The following FOXP2 variants were observed in gnomAD, a reference collection of about 807,000 sequenced individuals.
FOXP2 encodes the protein forkhead box protein P2.
Under a neutral mutation model 115.8 loss-of-function variants are expected in FOXP2, and 12 were observed. The ratio of observed to expected loss-of-function variants is 0.10; its 90% CI spans 0.07 to 0.17. The LOEUF is 0.17. Among genes scored for constraint, FOXP2 ranks in the 10% least tolerant of loss-of-function variants. The pLI, the probability that FOXP2 is intolerant of heterozygous loss-of-function variation, is 1.00. For synonymous variants in FOXP2, 328 were observed against 297.7 expected (o/e 1.10, Z -1.05); for missense variants, 629 against 843.5 (o/e 0.75, Z 3.15).
intron 1 of FOXP2, among the ~76,000 whole-genome samples, chr7:114,263,557 G>A (rs892924342): frequency 5.9e-5 from 9 of 151,384 alleles, no homozygotes; most frequent in African/African-American, 1.9e-4. Context: ...GGGCTCAAAT[G>A]CTCCTTCCAC....
At chr7:114,256,513 C>G (rs1430788176) in intron 1 of FOXP2, among the ~76,000 whole-genome samples, 1 of 152,168 alleles carries the variant, frequency 6.6e-6, no homozygotes, top group Non-Finnish European at 1.5e-5. Context: ...TGAGAAGTGT[C>G]TGTTCATGTC....
At chr7:114,622,979 A>C (rs1804335089) in intron 3 of FOXP2, among the ~76,000 whole-genome samples, 1 of 152,088 alleles carries the variant, frequency 6.6e-6, no homozygotes. Context: ...TGGTGTTTTC[A>C]TAAATGACTA....
At chr7:114,471,795 CAA>C (rs767129922) in intron 2 of FOXP2, among the ~76,000 whole-genome samples, 12 of 121,424 alleles carry the variant, frequency 9.9e-5, no homozygotes, top group African/African-American at 1.5e-4. Context: ...ACTAAAAATA[CAA>C]AAAAAAAAAA....
At chr7:114,633,961 A>G (rs934696419) in intron 6 of FOXP2, among the ~76,000 whole-genome samples, 2 of 152,018 alleles carry the variant, frequency 1.3e-5, no homozygotes, top group African/African-American at 2.4e-5. Flanking sequence ...TTAATGTGCA[A>G]TGATGGATGA....
At chr7:114,642,696 G>C in intron 7 of FOXP2, 73 bp downstream of exon 7, 1 of 1,378,822 alleles carries the variant, frequency 7.3e-7, no homozygotes, top group Middle Eastern at 1.9e-4. Context: ...CAATGAAAAA[G>C]AACAATTTGT....
chr7:114,596,754 C>T (rs891876771), intron 3 of FOXP2, among the ~76,000 whole-genome samples: 3 of 152,020 alleles, frequency 2.0e-5, no homozygotes, highest in Non-Finnish European at 4.4e-5. Flanking sequence ...AAGAGTGTTA[C>T]TTATTTCAGA....
intron 1 of FOXP2, among the ~76,000 whole-genome samples, chr7:114,248,252 A>T (rs1451372598): frequency 6.6e-6 from 1 of 151,942 alleles, no homozygotes; most frequent in East Asian, 1.9e-4. Flanking sequence ...TCAGCTATTT[A>T]TTCTATTCAG....
intron 1 of FOXP2, chr7:114,288,000 T>G (rs545735003): frequency 1.2e-5 from 5 of 430,552 alleles, no homozygotes; most frequent in African/African-American, 1.0e-4. Flanking sequence ...CAGTGACAAT[T>G]ATTTGTCTCT....
intron 2 of FOXP2, among the ~76,000 whole-genome samples, chr7:114,506,555 T>G (rs1759670472): frequency 6.6e-6 from 1 of 151,682 alleles, no homozygotes; most frequent in Admixed American, 6.6e-5. Flanking sequence ...ATTTGATATT[T>G]ATTTTCCCTT....
chr7:114,634,438 T>A (rs1375786403), intron 6 of FOXP2, among the ~76,000 whole-genome samples: 1 of 152,072 alleles, frequency 6.6e-6, no homozygotes, highest in Admixed American at 6.6e-5. Flanking sequence ...TTTGGTAGAA[T>A]AGCAGATTTA....
At chr7:114,154,899 T>G (rs1381391617) in intron 1 of FOXP2, among the ~76,000 whole-genome samples, 1 of 152,096 alleles carries the variant, frequency 6.6e-6, no homozygotes. Context: ...TTGTGGGGGT[T>G]GAACCAGAGT....
chr7:114,289,470 A>T (rs1796542246), intron 2 of FOXP2, among the ~76,000 whole-genome samples: 1 of 151,864 alleles, frequency 6.6e-6, no homozygotes, highest in Non-Finnish European at 1.5e-5. Context: ...TGCCATAGAT[A>T]ATGGTTATAC....
At chr7:114,092,377 A>G (rs1197408495) in intron 1 of FOXP2, among the ~76,000 whole-genome samples, 1 of 151,988 alleles carries the variant, frequency 6.6e-6, no homozygotes, top group East Asian at 1.9e-4. Context: ...AAAGAATGCT[A>G]CTAGAAATAT....
chr7:114,193,772 G>T (rs1275744771), intron 1 of FOXP2, among the ~76,000 whole-genome samples: 1 of 152,082 alleles, frequency 6.6e-6, no homozygotes, highest in Non-Finnish European at 1.5e-5. Context: ...TTGTAATTCA[G>T]TTTGTCGGTA....
intron 2 of FOXP2, among the ~76,000 whole-genome samples, chr7:114,454,357 A>C (rs1046177168): frequency 6.6e-6 from 1 of 152,140 alleles, no homozygotes; most frequent in African/African-American, 2.4e-5. Flanking sequence ...ATCATTAAAA[A>C]GTCAGGAAAC....
intron 1 of FOXP2, among the ~76,000 whole-genome samples, chr7:114,201,190 G>A (rs938520976): frequency 1.3e-5 from 2 of 152,040 alleles, no homozygotes; most frequent in African/African-American, 4.8e-5. Flanking sequence ...ACCTAATTTG[G>A]CTGGGCATGC....
chr7:114,201,270 A>C (rs1794056571), intron 1 of FOXP2, among the ~76,000 whole-genome samples: 1 of 152,182 alleles, frequency 6.6e-6, no homozygotes, highest in Non-Finnish European at 1.5e-5. Context: ...CAGGAGTACA[A>C]GAACAGCCTG....
intron 3 of FOXP2, among the ~76,000 whole-genome samples, chr7:114,586,828 C>A (rs1313452055): frequency 1.3e-5 from 2 of 151,584 alleles, no homozygotes; most frequent in Non-Finnish European, 2.9e-5. Flanking sequence ...CTAATTAATG[C>A]TTAAATATAT....
intron 2 of FOXP2, among the ~76,000 whole-genome samples, chr7:114,299,973 T>G (rs1265837503): frequency 6.6e-6 from 1 of 152,076 alleles, no homozygotes; most frequent in East Asian, 1.9e-4. Context: ...TTGCAATTTC[T>G]GTGACATTTT....
Sources: allele counts gnomAD v4.1 joint callset (sites outside exome capture counted in the v4.1 genomes callset), GRCh38; gene constraint gnomAD v4.1.1; transcripts MANE v1.5; gene names NCBI Gene and HGNC (gene_info 2026-07-23, HGNC 2026-07-21).